NEO1: variants seen among roughly 807,000 people sequenced by gnomAD.
The protein encoded by NEO1 is neogenin.
NEO1 carries 63 observed loss-of-function variants against 159.7 expected under a neutral mutation model. The observed-to-expected ratio is 0.39, with a 90% CI of 0.32 to 0.49. NEO1 has a LOEUF of 0.49. Among genes scored for constraint, NEO1 ranks in the 20% least tolerant of loss-of-function variants. NEO1 has a pLI of 0.85. For missense variants in NEO1, 1,615 were observed against 1,831.0 expected (o/e 0.88, Z 2.15); for synonymous variants, 633 against 662.0 (o/e 0.96, Z 0.67).
intron 7 of NEO1, among the ~76,000 whole-genome samples, chr15:73,194,654 C>T (rs1197527507): frequency 1.3e-5 from 2 of 152,082 alleles, no homozygotes; most frequent in African/African-American, 4.8e-5. Context: ...CTAGGCTGAC[C>T]CTCCAAATTG....
chr15:73,157,530 G>T (rs1455352136), intron 5 of NEO1, among the ~76,000 whole-genome samples: 1 of 152,158 alleles, frequency 6.6e-6, no homozygotes, highest in African/African-American at 2.4e-5. Context: ...TGGAAACATG[G>T]ACTGCAGAAA....
intron 14 of NEO1, chr15:73,259,164 A>C: frequency 3.9e-6 from 1 of 258,904 alleles, no homozygotes; most frequent in Middle Eastern, 1.3e-3. Flanking sequence ...ATGATCTAAA[A>C]TTTAAGGCTG....
intron 22 of NEO1, among the ~76,000 whole-genome samples, chr15:73,282,144 C>A (rs968081818): frequency 8.5e-5 from 13 of 152,176 alleles, no homozygotes; most frequent in African/African-American, 2.9e-4. Flanking sequence ...TGGAATCTTT[C>A]TTACTCAGAT....
intron 3 of NEO1, among the ~76,000 whole-genome samples, chr15:73,124,816 C>T (rs967706283): frequency 6.6e-6 from 1 of 152,120 alleles, no homozygotes; most frequent in African/African-American, 2.4e-5. Flanking sequence ...TAAGCTCAAC[C>T]AGAGCAGGGA....
intron 7 of NEO1, among the ~76,000 whole-genome samples, chr15:73,233,305 T>C (rs1275858724): frequency 1.3e-5 from 2 of 152,216 alleles, no homozygotes; most frequent in African/African-American, 4.8e-5. Context: ...AGGCATTTTT[T>C]ATACTTTTAT....
At chr15:73,258,909 A>G (rs2251205) in intron 14 of NEO1, 33 bp downstream of exon 14, 778,127 of 1,555,770 alleles carry the variant, frequency 0.5, 198,678 homozygotes, top group Admixed American at 0.56. Context: ...CTGGAACACA[A>G]TAGATACTAG....
At chr15:73,188,478 A>G (rs1426636938) in intron 7 of NEO1, among the ~76,000 whole-genome samples, 1 of 152,174 alleles carries the variant, frequency 6.6e-6, no homozygotes, top group Non-Finnish European at 1.5e-5. Flanking sequence ...AAACTTTTCC[A>G]TCATAAGGTT....
intron 5 of NEO1, among the ~76,000 whole-genome samples, chr15:73,169,909 T>C (rs899889863): frequency 1.3e-5 from 2 of 151,934 alleles, no homozygotes; most frequent in African/African-American, 4.8e-5. Flanking sequence ...AATGGAATAA[T>C]AAATCATAAA....
At chr15:73,212,984 A>C (rs1305705569) in intron 7 of NEO1, among the ~76,000 whole-genome samples, 1 of 151,702 alleles carries the variant, frequency 6.6e-6, no homozygotes, top group Admixed American at 6.6e-5. Flanking sequence ...AAATATTTGA[A>C]AGAATATGCG....
intron 25 of NEO1, among the ~76,000 whole-genome samples, chr15:73,289,730 G>T (rs763520197): frequency 4.6e-5 from 7 of 152,118 alleles, no homozygotes; most frequent in Non-Finnish European, 1.0e-4. Flanking sequence ...ATTGCTGGAG[G>T]CCAGGAGTTC....
rs887834459 is a variant in NEO1 at position 73,135,826 on chromosome 15, G to A, written c.879-65G>A. On this transcript the variant is annotated intron_variant, in intron 4 of 28. Transcript: ENST00000261908. ...GTGTTTTCTCTATTTTATGTGGAGA[G>A]TTTTTCAGGTATTATTTTCCTAGTA... The A allele has an allele frequency of 3.0e-5, 41 of 1,355,698 alleles. No homozygotes were observed. The South Asian group carries it at 6.4e-4, about 21-fold the overall frequency. The allele number at this position is 1,355,698 out of a possible 1,614,324, so 84.0% of individuals were successfully genotyped here. A position where few individuals can be genotyped will look rare whatever the true frequency, so the allele number is the denominator to read the frequency against.
At chr15:73,256,625 T>C (rs997446240) in intron 13 of NEO1, among the ~76,000 whole-genome samples, 5 of 152,176 alleles carry the variant, frequency 3.3e-5, no homozygotes, top group African/African-American at 1.2e-4. Flanking sequence ...ACAAATGGGA[T>C]TGACTTCCTT....
intron 5 of NEO1, among the ~76,000 whole-genome samples, chr15:73,171,015 A>C (rs1003106188): frequency 2.0e-5 from 3 of 151,840 alleles, no homozygotes; most frequent in Non-Finnish European, 4.4e-5. Context: ...AAAAAAAAAA[A>C]CTAGCCTGAC....
At chr15:73,119,849 C>T (rs2071530031) in intron 2 of NEO1, among the ~76,000 whole-genome samples, 1 of 152,130 alleles carries the variant, frequency 6.6e-6, no homozygotes, top group Non-Finnish European at 1.5e-5. Flanking sequence ...TTTAAAAATA[C>T]AACTGAGCTG....
At chr15:73,241,001 A>G (rs549915619) in intron 8 of NEO1, among the ~76,000 whole-genome samples, 10 of 152,330 alleles carry the variant, frequency 6.6e-5, no homozygotes, top group South Asian at 4.1e-4. Context: ...TAAGAATTCA[A>G]TGTGAGAATG....
intron 7 of NEO1, among the ~76,000 whole-genome samples, chr15:73,233,902 G>C (rs1464493066): frequency 1.3e-5 from 2 of 152,144 alleles, no homozygotes; most frequent in African/African-American, 2.4e-5. Flanking sequence ...TTGGGGTTTA[G>C]GTAGGGAGCA....
chr15:73,149,610 GA>G (rs141119195), intron 5 of NEO1, among the ~76,000 whole-genome samples: 1 of 151,626 alleles, frequency 6.6e-6, no homozygotes, highest in South Asian at 2.1e-4. Flanking sequence ...AAAGTAGAAG[GA>G]AAAAAAAGAT....
rs1341204570 is a variant in NEO1, at chr15:73,232,922, A to T, written c.1292-3425A>T. Among the ~76,000 whole-genome samples the T allele has an allele frequency of 2.0e-5, 3 of 152,168 alleles. No homozygotes were observed. In the South Asian group the frequency reaches 6.2e-4, roughly 32 times the overall value. ...AGAGCTAGAGGGGGATGCCTCAGACACTGTTTGTGTGTGAAGTCTGGTAAT... is the reference window on the plus strand; with the variant it reads ...AGAGCTAGAGGGGGATGCCTCAGACTCTGTTTGTGTGTGAAGTCTGGTAAT... On this transcript the variant is annotated intron_variant, in intron 7 of 28. Transcript: ENST00000261908.
At chr15:73,197,019 G>A (rs995980159) in intron 7 of NEO1, among the ~76,000 whole-genome samples, 1 of 151,976 alleles carries the variant, frequency 6.6e-6, no homozygotes, top group African/African-American at 2.4e-5. Flanking sequence ...TTCATTAAAC[G>A]CTTACCTAAT....
Sources: allele counts gnomAD v4.1 joint callset (sites outside exome capture counted in the v4.1 genomes callset), GRCh38; gene constraint gnomAD v4.1.1; transcripts MANE v1.5; gene names NCBI Gene and HGNC (gene_info 2026-07-23, HGNC 2026-07-21).